CCNJL: variants seen among roughly 807,000 people sequenced by gnomAD.
The protein encoded by CCNJL is cyclin J like, also known as cyclin-J-like protein.
Under a neutral mutation model 33.4 loss-of-function variants are expected in CCNJL, and 33 were observed. The observed-to-expected ratio is 0.99, with a 90% CI of 0.75 to 1.32. The LOEUF is 1.32. Among genes scored for constraint, CCNJL ranks in the 40% most tolerant of loss-of-function variants. The pLI, the probability that CCNJL is intolerant of heterozygous loss-of-function variation, is 0.00. For missense variants in CCNJL, 512 were observed against 499.7 expected (o/e 1.02, Z -0.23); for synonymous variants, 227 against 220.9 (o/e 1.03, Z -0.24).
At chr5:160,339,055 G>A (rs1446502124) in intron 1 of CCNJL, among the ~76,000 whole-genome samples, 1 of 151,982 alleles carries the variant, frequency 6.6e-6, no homozygotes, top group African/African-American at 2.4e-5. Context: ...CCAAAGTGCT[G>A]GGATTCCAGG....
chr5:160,295,164 T>C (rs1739475959), intron 2 of CCNJL, among the ~76,000 whole-genome samples: 1 of 152,242 alleles, frequency 6.6e-6, no homozygotes, highest in African/African-American at 2.4e-5. Flanking sequence ...CTGACAATTC[T>C]TGTCTACTCA....
chr5:160,312,040 C>G, intron 1 of CCNJL, 68 bp from the exon 2 acceptor site: 2 of 1,003,376 alleles, frequency 2.0e-6, no homozygotes. Context: ...TGTCCCTATC[C>G]TCTCTCGCCC....
chr5:160,266,373 G>A (rs192681062), intron 3 of CCNJL, among the ~76,000 whole-genome samples: 3 of 152,380 alleles, frequency 2.0e-5, no homozygotes, highest in African/African-American at 4.8e-5. Context: ...CCTTCCTGGA[G>A]TGGAGAAAAG....
chr5:160,265,893 T>C (rs912899932), intron 3 of CCNJL, among the ~76,000 whole-genome samples: 3 of 149,972 alleles, frequency 2.0e-5, no homozygotes, highest in Non-Finnish European at 4.4e-5. Context: ...AGAAATGCAA[T>C]GCCTTTAAAA....
At chr5:160,334,266 G>A (rs1046794094) in intron 1 of CCNJL, among the ~76,000 whole-genome samples, 3 of 152,088 alleles carry the variant, frequency 2.0e-5, no homozygotes, top group Non-Finnish European at 4.4e-5. Context: ...AAATCCTTTG[G>A]TTGTACACAA....
chr5:160,278,746 G>T (rs1762102763), intron 3 of CCNJL, among the ~76,000 whole-genome samples: 1 of 152,130 alleles, frequency 6.6e-6, no homozygotes, highest in South Asian at 2.1e-4. Context: ...TAAGTCCCCT[G>T]CCCCCAGCGG....
intron 5 of CCNJL, 113 bp downstream of exon 5, chr5:160,255,435 TG>T: frequency 1.1e-6 from 1 of 945,094 alleles, no homozygotes; most frequent in African/African-American, 1.6e-5. Context: ...ACCCTGTAGC[TG>T]GAAGAACCAC....
At chr5:160,269,593 G>A (rs778269080) in intron 3 of CCNJL, 40 of 418,834 alleles carry the variant, frequency 9.6e-5, no homozygotes, top group African/African-American at 7.4e-4. Context: ...CTTGGGTACC[G>A]CCCTTGTGGT....
intron 2 of CCNJL, among the ~76,000 whole-genome samples, chr5:160,282,842 C>T (rs1172478979): frequency 6.6e-6 from 1 of 150,830 alleles, no homozygotes; most frequent in Non-Finnish European, 1.5e-5. Flanking sequence ...TAGGGGCAAA[C>T]TGGAACCCTC....
intron 3 of CCNJL, among the ~76,000 whole-genome samples, chr5:160,274,151 T>C (rs1761931852): frequency 6.6e-6 from 1 of 152,094 alleles, no homozygotes; most frequent in Non-Finnish European, 1.5e-5. Context: ...AGTATAATAA[T>C]TGTAATTTTA....
At chr5:160,317,017 T>G (rs1763388057), upstream of CCNJL, among the ~76,000 whole-genome samples, 1 of 152,226 alleles carries the variant, frequency 6.6e-6, no homozygotes, top group African/African-American at 2.4e-5. Flanking sequence ...ATGGTGTTAA[T>G]GGTTGGCACT....
chr5:160,338,824 C>A (rs760613973), intron 1 of CCNJL, among the ~76,000 whole-genome samples: 1 of 151,902 alleles, frequency 6.6e-6, no homozygotes, highest in Non-Finnish European at 1.5e-5. Context: ...CTAAGTCTGG[C>A]TCTGTCACCC....
In CCNJL at chr5:160,250,819, C is replaced by T. The variant is rs1760782260; in HGVS notation, c.*2559G>A. On this transcript the variant is annotated 3_prime_UTR_variant, in exon 6 of 6. Transcript: ENST00000257536. ...CATCTTACAAAAAGCTGATCTTATG[C>T]TTGAAGAAATATAATAATTATCTCC... 1 of 152,170 alleles carries T rather than the reference C, an allele frequency of 6.6e-6. No homozygotes were observed. The highest frequency in any genetic ancestry group is 2.4e-5 in the African/African-American group (1 of 41,440). 9.4% of individuals were successfully genotyped at this position (152,170 alleles called of 1,614,324 possible).
intron 2 of CCNJL, among the ~76,000 whole-genome samples, chr5:160,309,450 T>C (rs577962113): frequency 6.6e-6 from 1 of 152,350 alleles, no homozygotes; most frequent in South Asian, 2.1e-4. Context: ...TATGTAAACA[T>C]GCTTTGTATT....
At chr5:160,318,062 G>C (rs1182730789) in intron 1 of CCNJL, among the ~76,000 whole-genome samples, 1 of 151,644 alleles carries the variant, frequency 6.6e-6, no homozygotes, top group Non-Finnish European at 1.5e-5. Context: ...CTGTTGCCAG[G>C]CTGGAGTGCA....
intron 2 of CCNJL, among the ~76,000 whole-genome samples, chr5:160,286,905 T>C (rs1017429618): frequency 1.2e-4 from 19 of 152,170 alleles, no homozygotes; most frequent in African/African-American, 4.3e-4. Context: ...CTCTTGGTAG[T>C]CTTCTCTTTG....
At chr5:160,258,507 A>C in intron 4 of CCNJL, 1 of 1,462,684 alleles carries the variant, frequency 6.8e-7, no homozygotes, top group Non-Finnish European at 9.6e-7. Flanking sequence ...CCAAATATGA[A>C]GAGGAAAATT....
At chr5:160,329,834 A>G (rs1763584369) in intron 1 of CCNJL, among the ~76,000 whole-genome samples, 1 of 152,174 alleles carries the variant, frequency 6.6e-6, no homozygotes, top group Non-Finnish European at 1.5e-5. Flanking sequence ...AGCCAATTAA[A>G]TCTTTGAAAC....
chr5:160,329,749 C>T (rs1416609880), intron 1 of CCNJL, among the ~76,000 whole-genome samples: 2 of 152,214 alleles, frequency 1.3e-5, no homozygotes, highest in Non-Finnish European at 2.9e-5. Context: ...TAAAGCCCAC[C>T]ACCTCTGCTC....
Sources: allele counts gnomAD v4.1 joint callset (sites outside exome capture counted in the v4.1 genomes callset), GRCh38; gene constraint gnomAD v4.1.1; transcripts MANE v1.5; gene names NCBI Gene and HGNC (gene_info 2026-07-23, HGNC 2026-07-21).